The following LEMD1 variants were observed in gnomAD, a reference collection of about 807,000 sequenced individuals.
The protein encoded by LEMD1 is LEM domain-containing protein 1.
A neutral mutation model predicts 17.4 loss-of-function variants in LEMD1; 18 were observed. The ratio of observed to expected loss-of-function variants is 1.04; its 90% CI spans 0.72 to 1.54. LEMD1 has a LOEUF of 1.54. Among genes scored for constraint, LEMD1 ranks in the 40% most tolerant of loss-of-function variants. The pLI, the probability that LEMD1 is intolerant of heterozygous loss-of-function variation, is 0.00. For missense variants in LEMD1, 195 were observed against 210.4 expected, an observed-to-expected ratio of 0.93 and a Z score of 0.45; for synonymous variants, 88 against 77.8, an observed-to-expected ratio of 1.13 and a Z score of -0.69.
At chr1:205,419,691 C>G (rs1477118645) in intron 2 of LEMD1, among the ~76,000 whole-genome samples, 5 of 152,200 alleles carry the variant, frequency 3.3e-5, no homozygotes, top group African/African-American at 1.2e-4. Flanking sequence ...ATCTTGAATT[C>G]CTGACCTCAA....
At chr1:205,424,389 A>G (rs1340864472), upstream of LEMD1, among the ~76,000 whole-genome samples, 1 of 152,236 alleles carries the variant, frequency 6.6e-6, no homozygotes, top group Non-Finnish European at 1.5e-5. Flanking sequence ...GGTTGGCATC[A>G]TTGTTGAAAT....
intron 1 of LEMD1, among the ~76,000 whole-genome samples, chr1:205,430,224 T>A (rs1044067965): frequency 6.6e-6 from 1 of 152,174 alleles, no homozygotes; most frequent in Non-Finnish European, 1.5e-5. Context: ...CACCCAAGGG[T>A]CCTCGGCTTC....
At chr1:205,382,136 G>A (rs1042546226) in intron 5 of LEMD1, 8 of 398,678 alleles carry the variant, frequency 2.0e-5, no homozygotes, top group South Asian at 6.5e-5. Context: ...CGAGTAGCTC[G>A]GACCACAGGT....
rs1226837866 is a variant in LEMD1 at position 205,441,218 on chromosome 1, G to C, written c.-39+8650C>G. 6.6e-6 allele frequency among the ~76,000 whole-genome samples: 1 copy of C among 152,166 alleles called. No individual in the cohort carries two copies. The highest frequency in any genetic ancestry group is 1.5e-5 in the Non-Finnish European group (1 of 68,034). ...GTCTCTCACACCGGCTGGGGGAGGA[G>C]TCAAGCCTCTAAACAACAGCTCTTT... On this transcript the variant is annotated intron_variant, in intron 1 of 3. Transcript: ENST00000367154. The surrounding 1 kb of genome is among the most constrained non-coding windows in gnomAD (Gnocchi z 4.3).
At chr1:205,427,291 C>G (rs916210800) in intron 1 of LEMD1, among the ~76,000 whole-genome samples, 1 of 151,798 alleles carries the variant, frequency 6.6e-6, no homozygotes, top group Non-Finnish European at 1.5e-5. Flanking sequence ...TGAGTAAGGC[C>G]TCAGTATGAC....
intron 4 of LEMD1, among the ~76,000 whole-genome samples, chr1:205,395,133 A>G (rs1664530009): frequency 6.6e-6 from 1 of 152,174 alleles, no homozygotes; most frequent in Non-Finnish European, 1.5e-5. Context: ...GCAGAGGTCA[A>G]AAAAACATGA....
At chr1:205,423,175 G>C (rs1356032185), upstream of LEMD1, among the ~76,000 whole-genome samples, 9 of 152,116 alleles carry the variant, frequency 5.9e-5, no homozygotes, top group Admixed American at 5.9e-4. Flanking sequence ...TCTTTGGGTG[G>C]GTGGTTATGA....
upstream of LEMD1, among the ~76,000 whole-genome samples, chr1:205,426,495 G>A (rs529757827): frequency 4.0e-4 from 61 of 152,302 alleles, 2 homozygotes; most frequent in South Asian, 0.011. Context: ...GTTGGGGGTG[G>A]TGTTGTTCAG....
upstream of LEMD1, among the ~76,000 whole-genome samples, chr1:205,426,776 T>G (rs1666062358): frequency 6.6e-6 from 1 of 152,166 alleles, no homozygotes; most frequent in African/African-American, 2.4e-5. Flanking sequence ...CCTTCCGGTC[T>G]GGGGCCCTCT....
rs753815846 is a variant in LEMD1, at chr1:205,448,254, G to A, written c.-39+1614C>T. 1 of 503,952 alleles carries A rather than the reference G, an allele frequency of 2.0e-6. No homozygotes were observed. The highest frequency in any genetic ancestry group is 2.1e-5 in the Admixed American group (1 of 48,662). 31.2% of individuals were successfully genotyped at this position (503,952 alleles called of 1,614,324 possible). Reference sequence around the variant, plus strand: ...AAGCCTCCTTCTGGTGCCCCTTGGTGGCTGGCTCCGAACCTGGTCCCATGG... The same window carrying A: ...AAGCCTCCTTCTGGTGCCCCTTGGTAGCTGGCTCCGAACCTGGTCCCATGG... On this transcript the variant is annotated intron_variant, in intron 1 of 3. Coordinates refer to the LEMD1 transcript ENST00000367154. This position sits in a 1 kb window ranked among gnomAD's most constrained non-coding sequence, Gnocchi z 4.7.
chr1:205,390,227 C>T (rs888938051), intron 4 of LEMD1, among the ~76,000 whole-genome samples: 1 of 151,924 alleles, frequency 6.6e-6, no homozygotes, highest in Non-Finnish European at 1.5e-5. Flanking sequence ...TGGTGGTGTG[C>T]ATCTGTAATC....
intron 1 of LEMD1, among the ~76,000 whole-genome samples, chr1:205,446,317 G>A (rs897894271): frequency 3.9e-5 from 6 of 152,328 alleles, no homozygotes; most frequent in South Asian, 2.1e-4. Flanking sequence ...GGACTGTCTC[G>A]GGTGAGTTGC....
At position 205,448,854 on chromosome 1, in the gene LEMD1, G is replaced by T. The variant is rs1013790865; in HGVS notation, c.-39+1014C>A. On this transcript the variant is annotated intron_variant, in intron 1 of 3. Transcript: ENST00000367154. The surrounding 1 kb of genome is among the most constrained non-coding windows in gnomAD (Gnocchi z 4.7). ...TAGTCCAGCCACTGGAAGCACAGAG[G>T]GCAAAGGAGGGTCTGGGTAAAGGAG... Among the ~76,000 whole-genome samples, 1 of 152,140 alleles carries T rather than the reference G, an allele frequency of 6.6e-6. No individual in the cohort carries two copies. Among genetic ancestry groups the T allele is most frequent in the African/African-American group, 2.4e-5 (1 of 41,424 alleles).
intron 4 of LEMD1, among the ~76,000 whole-genome samples, chr1:205,400,732 G>A (rs1664802710): frequency 6.6e-6 from 1 of 151,306 alleles, no homozygotes; most frequent in Non-Finnish European, 1.5e-5. Context: ...AAGTTCTAGG[G>A]TACATGTGCA....
intron 4 of LEMD1, among the ~76,000 whole-genome samples, chr1:205,404,995 A>C (rs1454688034): frequency 6.6e-6 from 1 of 152,164 alleles, no homozygotes; most frequent in Non-Finnish European, 1.5e-5. Context: ...TTCTGGGTTG[A>C]AAATTCTTTT....
chr1:205,420,616 C>A, intron 1 of LEMD1, 42 bp from the exon 2 acceptor site: 3 of 1,052,328 alleles, frequency 2.9e-6, no homozygotes, highest in South Asian at 2.6e-5. Flanking sequence ...ACAGCCTTAC[C>A]AATAAGTACT....
intron 5 of LEMD1, 170 bp from the exon 6 acceptor site, chr1:205,382,026 G>C (rs771997289): frequency 7.9e-6 from 5 of 631,782 alleles, no homozygotes; most frequent in Non-Finnish European, 1.4e-5. Context: ...TTTTAAGACA[G>C]GATCTTGTTC....
At chr1:205,388,374 AT>A (rs1244189973) in intron 4 of LEMD1, among the ~76,000 whole-genome samples, 1 of 152,028 alleles carries the variant, frequency 6.6e-6, no homozygotes, top group Non-Finnish European at 1.5e-5. Flanking sequence ...ATTCTTTTGT[AT>A]TTTTAGTAGA....
At chr1:205,411,445 C>CT (rs1045190202) in intron 4 of LEMD1, among the ~76,000 whole-genome samples, 51 of 151,570 alleles carry the variant, frequency 3.4e-4, no homozygotes, top group Admixed American at 1.3e-3. Context: ...GTCCCAGCTA[C>CT]CCGGAGAGGC....
Sources: gnomAD v4.1 joint callset for allele counts (sites outside exome capture counted in the v4.1 genomes callset) on GRCh38, gnomAD v4.1.1 for gene constraint, Gnocchi (gnomAD v3.1) non-coding constraint, MANE v1.5 for transcripts, NCBI Gene and HGNC (gene_info 2026-07-23, HGNC 2026-07-21) for gene names.